Variants in GPR158 observed in about 807,000 individuals in gnomAD.
GPR158 encodes the protein G protein-coupled receptor 158, also known as metabotropic glycine receptor.
A neutral mutation model predicts 78.2 loss-of-function variants in GPR158; 30 were observed. That is an observed-to-expected ratio of 0.38 (90% CI 0.29 to 0.52). The LOEUF (loss-of-function observed/expected upper bound fraction) is 0.52, where lower values mean the gene tolerates loss of function less well. Ranked by LOEUF, GPR158 falls within the 20% of genes least tolerant of loss-of-function variation. The pLI is 0.83. For synonymous variants in GPR158, 581 were observed against 591.1 expected, an observed-to-expected ratio of 0.98 and a Z score of 0.25; for missense variants, 1,463 against 1,523.5, an observed-to-expected ratio of 0.96 and a Z score of 0.66.
chr10:25,269,350 C>T (rs965514730), intron 2 of GPR158, among the ~76,000 whole-genome samples: 2 of 152,082 alleles, frequency 1.3e-5, no homozygotes, highest in Non-Finnish European at 2.9e-5. Flanking sequence ...TACTTTATAT[C>T]CTTTGTCTAT....
At chr10:25,496,867 AGTT>A (rs1173683204) in intron 5 of GPR158, among the ~76,000 whole-genome samples, 1 of 152,224 alleles carries the variant, frequency 6.6e-6, no homozygotes, top group African/African-American at 2.4e-5. Flanking sequence ...AGTGAGGAAC[AGTT>A]GTTTGATCAA....
intron 6 of GPR158, among the ~76,000 whole-genome samples, chr10:25,555,552 A>G (rs1836777837): frequency 6.6e-6 from 1 of 152,210 alleles, no homozygotes; most frequent in African/African-American, 2.4e-5. Flanking sequence ...CTTTTACAGA[A>G]ACTTGAGAAG....
intron 2 of GPR158, among the ~76,000 whole-genome samples, chr10:25,225,725 G>T (rs1323382900): frequency 6.6e-6 from 1 of 152,012 alleles, no homozygotes; most frequent in East Asian, 1.9e-4. Context: ...CCAGTCATTG[G>T]TCTTATATTG....
chr10:25,182,485 C>G lies in GPR158; in HGVS notation c.902+6163C>G, dbSNP rs192788761. On this transcript the variant is annotated intron_variant, in intron 1 of 10. Coordinates refer to ENST00000376351, the MANE Select transcript of GPR158 (RefSeq NM_020752.3). ...GGTGTAGCAATGGTACAGGATTATC[C>G]TCCCATTTTCTAGAATATGCATTTG... Among the ~76,000 whole-genome samples the G allele has an allele frequency of 5.1e-4, 77 of 152,282 alleles. No homozygotes were observed. In the East Asian group the frequency reaches 0.012, roughly 24 times the overall value.
chr10:25,479,216 A>C (rs1835630095), intron 5 of GPR158, among the ~76,000 whole-genome samples: 1 of 152,178 alleles, frequency 6.6e-6, no homozygotes, highest in African/African-American at 2.4e-5. Context: ...AGTTAAAAAA[A>C]ATTGTAATAC....
At chr10:25,316,905 GTGTGTT>G (rs773360631) in intron 2 of GPR158, among the ~76,000 whole-genome samples, 178 of 95,178 alleles carry the variant, frequency 1.9e-3, no homozygotes, top group Middle Eastern at 5.6e-3. Context: ...GTGTGTGTGT[GTGTGTT>G]TATGTGTGTG....
At chr10:25,508,412 G>A (rs1014328788) in intron 5 of GPR158, among the ~76,000 whole-genome samples, 1 of 152,180 alleles carries the variant, frequency 6.6e-6, no homozygotes, top group Admixed American at 6.5e-5. Flanking sequence ...CACATATGCA[G>A]TAGGCAAACC....
intron 5 of GPR158, among the ~76,000 whole-genome samples, chr10:25,479,832 A>T (rs1254223464): frequency 6.6e-6 from 1 of 151,286 alleles, no homozygotes; most frequent in East Asian, 1.9e-4. Context: ...TTTCTGTTAT[A>T]TTTCTCCTCT....
chr10:25,241,304 C>CT lies in GPR158; in HGVS notation c.1008+20151dup, dbSNP rs1436161818. 3.1e-5 allele frequency among the ~76,000 whole-genome samples: 3 copies of CT among 95,808 alleles called. No individual in the cohort carries two copies. The South Asian group carries it at 1.1e-3, about 34-fold the overall frequency. 62.9% of individuals were successfully genotyped at this position (95,808 alleles called of 152,430 possible). A position where few individuals can be genotyped will look rare whatever the true frequency, so the allele number is the denominator to read the frequency against. On this transcript the variant is annotated intron_variant, in intron 2 of 10. Coordinates refer to ENST00000376351, the MANE Select transcript of GPR158 (RefSeq NM_020752.3). ...TCTTTCTTTTCTTTTCTTTTCTTTT[C>CT]TTTTCTTTTCTCTTCTCTTCTCTTC...
intron 2 of GPR158, among the ~76,000 whole-genome samples, chr10:25,386,573 C>G (rs1834225049): frequency 7.0e-6 from 1 of 142,552 alleles, no homozygotes; most frequent in African/African-American, 2.6e-5. Flanking sequence ...TTCAGTGTTG[C>G]AATGAACACT....
intron 2 of GPR158, among the ~76,000 whole-genome samples, chr10:25,345,250 G>A (rs1855357374): frequency 6.6e-6 from 1 of 151,942 alleles, no homozygotes; most frequent in Non-Finnish European, 1.5e-5. Flanking sequence ...ACCAGTGGGA[G>A]CTCTACTAAG....
chr10:25,521,371 G>A (rs1219302718), intron 5 of GPR158, among the ~76,000 whole-genome samples: 1 of 152,102 alleles, frequency 6.6e-6, no homozygotes, highest in African/African-American at 2.4e-5. Context: ...GTTCCTATTC[G>A]GCCATCTTGG....
At chr10:25,580,091 T>C (rs1837168221) in intron 7 of GPR158, among the ~76,000 whole-genome samples, 1 of 152,232 alleles carries the variant, frequency 6.6e-6, no homozygotes, top group Non-Finnish European at 1.5e-5. Flanking sequence ...TCACTTGTTA[T>C]ATATTTTATT....
At chr10:25,389,333 G>C (rs115975958) in intron 2 of GPR158, among the ~76,000 whole-genome samples, 1 of 152,094 alleles carries the variant, frequency 6.6e-6, no homozygotes, top group African/African-American at 2.4e-5. Flanking sequence ...TCTCCTCTTT[G>C]CTGAGGGCTG....
chr10:25,346,227 A>G (rs559948729), intron 2 of GPR158, among the ~76,000 whole-genome samples: 1 of 151,814 alleles, frequency 6.6e-6, no homozygotes, highest in Non-Finnish European at 1.5e-5. Flanking sequence ...GGTGCTCTCA[A>G]TTATTTTGAA....
At chr10:25,296,518 TATTG>T (rs1854517675) in intron 2 of GPR158, among the ~76,000 whole-genome samples, 1 of 152,046 alleles carries the variant, frequency 6.6e-6, no homozygotes, top group Admixed American at 6.5e-5. Flanking sequence ...ATTGATTGAT[TATTG>T]ATTGATCTTT....
At chr10:25,408,081 T>A (rs768011610) in intron 3 of GPR158, among the ~76,000 whole-genome samples, 1 of 152,216 alleles carries the variant, frequency 6.6e-6, no homozygotes, top group Non-Finnish European at 1.5e-5. Flanking sequence ...GTTTCAAGTT[T>A]CATTTGTATT....
Position 25,310,840 on chromosome 10 carries a change from G to A in GPR158, c.1009-85071G>A, listed in dbSNP as rs1854753625. On this transcript the variant is annotated intron_variant, in intron 2 of 10. Coordinates refer to ENST00000376351, the MANE Select transcript of GPR158 (RefSeq NM_020752.3). ...TTTATTAATATTTTTTCTATAACTT[G>A]TAAGAGTTGTATTTATGTCTGGATT... 3.3e-5 allele frequency among the ~76,000 whole-genome samples: 5 copies of A among 151,978 alleles called. No individual in the cohort carries two copies. The South Asian group carries it at 8.3e-4, about 25-fold the overall frequency.
At chr10:25,499,870 GAGA>G (rs1324190293) in intron 5 of GPR158, among the ~76,000 whole-genome samples, 1 of 152,142 alleles carries the variant, frequency 6.6e-6, no homozygotes, top group Non-Finnish European at 1.5e-5. Flanking sequence ...TGTGGGAAGG[GAGA>G]AGAACAGTAG....
Sources: allele counts gnomAD v4.1 joint callset (sites outside exome capture counted in the v4.1 genomes callset), GRCh38; gene constraint gnomAD v4.1.1; transcripts MANE v1.5; gene names NCBI Gene and HGNC (gene_info 2026-07-23, HGNC 2026-07-21).